ITCH: variants seen among roughly 807,000 people sequenced by gnomAD.
ITCH encodes itchy E3 ubiquitin protein ligase.
In ITCH, 28 loss-of-function variants were observed where a neutral mutation model predicts 126.8. That is an observed-to-expected ratio of 0.22 (90% CI 0.16 to 0.30). The LOEUF (loss-of-function observed/expected upper bound fraction) is 0.30. Among genes scored for constraint, ITCH ranks in the 10% least tolerant of loss-of-function variants. ITCH has a pLI of 1.00. For missense variants in ITCH, 631 were observed against 1,032.4 expected (o/e 0.61, Z 5.33); for synonymous variants, 342 against 340.0 (o/e 1.01, Z -0.06).
At chr20:34,418,425 A>G (rs1980253078) in intron 6 of ITCH, among the ~76,000 whole-genome samples, 1 of 152,002 alleles carries the variant, frequency 6.6e-6, no homozygotes, top group African/African-American at 2.4e-5. Context: ...TTAAATTTTG[A>G]TGCTTTGTTA....
chr20:34,499,368 C>G (rs1990105870), intron 23 of ITCH, among the ~76,000 whole-genome samples: 1 of 131,572 alleles, frequency 7.6e-6, no homozygotes, highest in East Asian at 2.5e-4. Flanking sequence ...ATTACAGATT[C>G]AGTCATGTTA....
At chr20:34,426,415 A>G (rs1186221742) in intron 7 of ITCH, among the ~76,000 whole-genome samples, 4 of 151,520 alleles carry the variant, frequency 2.6e-5, no homozygotes, top group Non-Finnish European at 4.4e-5. Flanking sequence ...GTCTATCTGC[A>G]TTTGTCATCT....
At position 34,391,874 on chromosome 20, in the gene ITCH, A is replaced by C. The variant is rs557685217; in HGVS notation, c.-21-1917A>C. Among the ~76,000 whole-genome samples, 3 of 152,246 alleles carry C rather than the reference A, an allele frequency of 2.0e-5. No individual in the cohort carries two copies. The East Asian group carries it at 5.8e-4, about 29-fold the overall frequency. ...ATACTTAATTTTTGTAGAGATTTAA[A>C]ATTTTTTGCAACTTTGTAATTAATG... On this transcript the variant is annotated intron_variant, in intron 2 of 24. Transcript: ENST00000374864.
At chr20:34,483,615 T>A (rs1486578135) in intron 20 of ITCH, among the ~76,000 whole-genome samples, 1 of 152,220 alleles carries the variant, frequency 6.6e-6, no homozygotes, top group Non-Finnish European at 1.5e-5. Flanking sequence ...TTATTGTCCA[T>A]ATTGCTGTCA....
chr20:34,458,183 G>A (rs967343375), intron 13 of ITCH, among the ~76,000 whole-genome samples: 4 of 152,126 alleles, frequency 2.6e-5, no homozygotes, highest in African/African-American at 9.7e-5. Flanking sequence ...CATTATGAAT[G>A]TAGGCTACTA....
At chr20:34,423,479 T>C (rs545163852) in intron 6 of ITCH, among the ~76,000 whole-genome samples, 6 of 152,340 alleles carry the variant, frequency 3.9e-5, no homozygotes, top group Non-Finnish European at 7.3e-5. Context: ...GTTCCTTTAC[T>C]AAATGGACCT....
chr20:34,389,976 C>G (rs1177019818), intron 2 of ITCH, among the ~76,000 whole-genome samples: 4 of 152,062 alleles, frequency 2.6e-5, no homozygotes, highest in Non-Finnish European at 5.9e-5. Flanking sequence ...CAAAAATTAG[C>G]TAGGTGTGGT....
intron 19 of ITCH, 72 bp downstream of exon 19, chr20:34,480,804 C>A: frequency 1.6e-6 from 2 of 1,223,170 alleles, no homozygotes; most frequent in Non-Finnish European, 2.3e-6. Flanking sequence ...ATAACTTATC[C>A]AAACTGTAGG....
At chr20:34,403,056 T>C (rs1347427811) in intron 3 of ITCH, among the ~76,000 whole-genome samples, 1 of 152,186 alleles carries the variant, frequency 6.6e-6, no homozygotes, top group Non-Finnish European at 1.5e-5. Context: ...AAGAATTTTA[T>C]ACTTGTGATT....
chr20:34,369,031 G>GT (rs1477329871), intron 1 of ITCH, among the ~76,000 whole-genome samples: 4 of 152,144 alleles, frequency 2.6e-5, no homozygotes, highest in Admixed American at 6.6e-5. Flanking sequence ...GATCTGATGT[G>GT]TTTAACTATA....
chr20:34,394,010 T>C, intron 3 of ITCH, 129 bp downstream of exon 3: 1 of 849,734 alleles, frequency 1.2e-6, no homozygotes, highest in Non-Finnish European at 2.0e-6. Flanking sequence ...GGTGGGCGGG[T>C]CACTTGAGGC....
intron 13 of ITCH, among the ~76,000 whole-genome samples, chr20:34,459,524 A>G (rs557168465): frequency 6.6e-6 from 1 of 152,348 alleles, no homozygotes; most frequent in African/African-American, 2.4e-5. Context: ...GATATTCCCA[A>G]TACGCAGTGC....
intron 10 of ITCH, among the ~76,000 whole-genome samples, chr20:34,445,083 T>G (rs370587022): frequency 6.6e-6 from 1 of 152,208 alleles, no homozygotes; most frequent in South Asian, 2.1e-4. Flanking sequence ...ATGTATTGCA[T>G]TTTAAGAACC....
chr20:34,499,254 G>A (rs531823677), intron 23 of ITCH, among the ~76,000 whole-genome samples: 13 of 131,790 alleles, frequency 9.9e-5, no homozygotes, highest in African/African-American at 2.9e-4. Flanking sequence ...GATTACAGGC[G>A]TGAGCCACTG....
At chr20:34,429,594 G>A (rs1568931169) in intron 7 of ITCH, among the ~76,000 whole-genome samples, 1 of 151,878 alleles carries the variant, frequency 6.6e-6, no homozygotes, top group Non-Finnish European at 1.5e-5. Context: ...TAACTATTCT[G>A]GGAAATAATA....
chr20:34,449,646 A>G (rs985702720), intron 12 of ITCH, among the ~76,000 whole-genome samples, 166 bp downstream of exon 12: 1 of 152,088 alleles, frequency 6.6e-6, no homozygotes, highest in Admixed American at 6.5e-5. Context: ...ACAAATAGGC[A>G]TTAAATTCCC....
intron 23 of ITCH, among the ~76,000 whole-genome samples, chr20:34,496,053 G>T (rs1345617372): frequency 1.3e-5 from 2 of 151,898 alleles, no homozygotes; most frequent in East Asian, 3.9e-4. Context: ...TAGCCTGGGT[G>T]ACAGAGCAAT....
chr20:34,486,841 G>T (rs948290204), intron 20 of ITCH, among the ~76,000 whole-genome samples: 1 of 151,432 alleles, frequency 6.6e-6, no homozygotes, highest in African/African-American at 2.4e-5. Flanking sequence ...GGGACTACAG[G>T]CATGTGCCAC....
chr20:34,370,618 C>T (rs764859693), intron 2 of ITCH, among the ~76,000 whole-genome samples: 6 of 149,232 alleles, frequency 4.0e-5, no homozygotes, highest in African/African-American at 1.5e-4. Flanking sequence ...AAGCCAAGAT[C>T]GTGCCACTAT....
Sources: allele counts gnomAD v4.1 joint callset (sites outside exome capture counted in the v4.1 genomes callset), GRCh38; gene constraint gnomAD v4.1.1; transcripts MANE v1.5; gene names NCBI Gene and HGNC (gene_info 2026-07-23, HGNC 2026-07-21).